SNRPN: variants seen among roughly 807,000 people sequenced by gnomAD.
SNRPN encodes the protein small nuclear ribonucleoprotein polypeptide N, also known as small nuclear ribonucleoprotein-associated protein N.
SNRPN carries 7 observed loss-of-function variants against 25.2 expected under a neutral mutation model. That is an observed-to-expected ratio of 0.28 (90% CI 0.16 to 0.52). The LOEUF is 0.52. SNRPN is among the 20% of genes least tolerant of loss of function. SNRPN has a pLI of 0.96. For synonymous variants in SNRPN, 124 were observed against 110.6 expected (o/e 1.12, Z -0.76); for missense variants, 196 against 322.5 (o/e 0.61, Z 3.00).
At chr15:24,956,566 G>A (rs2062940287) in intron 1 of SNRPN, among the ~76,000 whole-genome samples, 2 of 151,994 alleles carry the variant, frequency 1.3e-5, no homozygotes, top group African/African-American at 2.4e-5. Context: ...GGTGACAGTC[G>A]CCTCCGCTTG....
At chr15:24,856,881 T>C (rs1241754008) in intron 1 of SNRPN, among the ~76,000 whole-genome samples, 2 of 152,230 alleles carry the variant, frequency 1.3e-5, no homozygotes, top group Non-Finnish European at 2.9e-5. Context: ...AAAAATACAT[T>C]CATAATCACT....
intron 7 of SNRPN, 74 bp from the exon 8 acceptor site, chr15:24,977,704 T>C (rs1327575221): frequency 2.2e-6 from 3 of 1,380,950 alleles, no homozygotes; most frequent in Non-Finnish European, 2.9e-6. Flanking sequence ...TGGTCATTTT[T>C]CTCATTTATT....
intron 2 of SNRPN, among the ~76,000 whole-genome samples, chr15:24,841,506 A>C (rs935928736): frequency 6.6e-6 from 1 of 152,164 alleles, no homozygotes; most frequent in African/African-American, 2.4e-5. Flanking sequence ...AAGGACCCAG[A>C]AACATTGTCA....
chr15:24,908,827 G>C (rs2059027042), intron 2 of SNRPN: 1 of 525,928 alleles, frequency 1.9e-6, no homozygotes, highest in Non-Finnish European at 3.3e-6. Flanking sequence ...TCTTTCTCTA[G>C]AGTCTTGGAA....
intron 2 of SNRPN, among the ~76,000 whole-genome samples, chr15:24,917,394 C>T (rs1471583590): frequency 1.3e-5 from 2 of 152,154 alleles, no homozygotes; most frequent in African/African-American, 2.4e-5. Flanking sequence ...TTTTAAAACT[C>T]CTATTCCTGG....
At position 24,908,052 on chromosome 15, in the gene SNRPN, CAAAAAAAAAA is replaced by C. The variant is rs71127014; in HGVS notation, c.-504-11942_-504-11933del. ...TGGGCAACAGAGCTAGACTCCATCT[CAAAAAAAAAA>C]AAAAAAAAAAAAAAAAGAATAAGAA... is the stretch of plus-strand genomic sequence containing the variant. On this transcript the variant is annotated intron_variant, in intron 2 of 11. Coordinates refer to the SNRPN transcript ENST00000400097. 1.3e-3 allele frequency among the ~76,000 whole-genome samples: 92 copies of C among 70,720 alleles called. 1 individual carries two copies. The highest frequency in any genetic ancestry group is 1.3e-3 in the Non-Finnish European group (54 of 40,098). 46.4% of individuals were successfully genotyped at this position (70,720 alleles called of 152,430 possible).
intron 2 of SNRPN, among the ~76,000 whole-genome samples, chr15:24,890,397 C>G (rs571218531): frequency 2.0e-5 from 3 of 152,280 alleles, no homozygotes; most frequent in Non-Finnish European, 4.4e-5. Context: ...ACCTATCCAG[C>G]TGGGCACAGT....
chr15:24,972,027 C>T (rs1376965962), intron 3 of SNRPN, among the ~76,000 whole-genome samples: 2 of 151,874 alleles, frequency 1.3e-5, no homozygotes, highest in Non-Finnish European at 1.5e-5. Context: ...AGGCTGAGGC[C>T]GGCAGGTCAC....
intron 1 of SNRPN, 28 bp downstream of exon 1, chr15:24,955,090 G>A: frequency 6.2e-7 from 1 of 1,613,602 alleles, no homozygotes; most frequent in Non-Finnish European, 8.5e-7. Flanking sequence ...CTTCTCTCAA[G>A]AGACAGCCTG....
chr15:24,947,541 T>C (rs2061959886), intron 3 of SNRPN, among the ~76,000 whole-genome samples: 2 of 152,246 alleles, frequency 1.3e-5, no homozygotes, highest in South Asian at 2.1e-4. Flanking sequence ...AGGTAGAGAA[T>C]TGCCTGAACC....
intron 2 of SNRPN, among the ~76,000 whole-genome samples, chr15:24,906,488 G>A (rs1051426083): frequency 9.2e-5 from 14 of 152,136 alleles, no homozygotes; most frequent in African/African-American, 3.4e-4. Flanking sequence ...AAACAAATGG[G>A]TATGACCTAG....
chr15:24,978,006 TG>T lies in SNRPN; in HGVS notation c.559+94del, dbSNP rs1376769408. ...GACACAGCCTGAGAGCCTAAGAATT[TG>T]GGGAATATGCTTCCTTCTTCTAGAT... is the stretch of plus-strand genomic sequence containing the variant. On this transcript the variant is annotated intron_variant, in intron 8 of 9. Coordinates refer to ENST00000390687, the MANE Select transcript of SNRPN (RefSeq NM_003097.6). 9 of 1,308,928 alleles carry T rather than the reference TG, an allele frequency of 6.9e-6. No homozygotes were observed. The Admixed American group carries it at 9.4e-5, about 14-fold the overall frequency. The allele number at this position is 1,308,928 out of a possible 1,614,324, so 81.1% of individuals were successfully genotyped here.
chr15:24,978,587 AC>A lies in SNRPN; in HGVS notation c.*144del, dbSNP rs1337472785. 2.3e-5 allele frequency: 18 copies of A among 782,286 alleles called. No individual in the cohort carries two copies. The Admixed American group carries it at 3.5e-4, about 15-fold the overall frequency. The allele number at this position is 782,286 out of a possible 1,614,324, so 48.5% of individuals were successfully genotyped here. On this transcript the variant is annotated 3_prime_UTR_variant, in exon 10 of 10. Coordinates refer to ENST00000390687, the MANE Select transcript of SNRPN (RefSeq NM_003097.6). Reference sequence around the variant, plus strand: ...GCATAGAGCAATTAAACTGTGAGGTACTGTTGTATATATTTTTTTGCCTGTT... The same window carrying A: ...GCATAGAGCAATTAAACTGTGAGGTATGTTGTATATATTTTTTTGCCTGTT...
intron 1 of SNRPN, among the ~76,000 whole-genome samples, chr15:24,864,189 G>A (rs1488227181): frequency 6.7e-6 from 1 of 148,216 alleles, no homozygotes; most frequent in Non-Finnish European, 1.5e-5. Context: ...ACAACGCCCG[G>A]CTAATTTTTT....
chr15:24,904,438 T>A (rs534536095), intron 2 of SNRPN, among the ~76,000 whole-genome samples: 23 of 152,272 alleles, frequency 1.5e-4, no homozygotes, highest in African/African-American at 5.5e-4. Flanking sequence ...GTGGATCACC[T>A]GAGGTTAGGA....
chr15:24,866,909 T>C (rs1209618281), intron 1 of SNRPN, among the ~76,000 whole-genome samples: 2 of 152,118 alleles, frequency 1.3e-5, no homozygotes, highest in African/African-American at 4.8e-5. Context: ...GGATTATATA[T>C]ATAATTTTCT....
At chr15:24,849,232 C>T (rs553347365) in intron 2 of SNRPN, 1 of 152,364 alleles carries the variant, frequency 6.6e-6, no homozygotes, top group African/African-American at 2.4e-5. Context: ...CGCTCGGCCT[C>T]TACTATGTTT....
chr15:24,942,809 G>T (rs1189766790), intron 3 of SNRPN, among the ~76,000 whole-genome samples: 1 of 152,126 alleles, frequency 6.6e-6, no homozygotes, highest in Non-Finnish European at 1.5e-5. Context: ...GCACTCAGTG[G>T]TGGCCATAGT....
intron 1 of SNRPN, among the ~76,000 whole-genome samples, chr15:24,885,946 A>G (rs1048409784): frequency 6.6e-6 from 1 of 152,184 alleles, no homozygotes; most frequent in Non-Finnish European, 1.5e-5. Flanking sequence ...GAATGTCCTC[A>G]TGGATCCAGC....
Sources: gnomAD v4.1 joint callset for allele counts (sites outside exome capture counted in the v4.1 genomes callset) on GRCh38, gnomAD v4.1.1 for gene constraint, MANE v1.5 for transcripts, NCBI Gene and HGNC (gene_info 2026-07-23, HGNC 2026-07-21) for gene names.